The following SGMS1 variants were observed in gnomAD, a reference collection of about 807,000 sequenced individuals.
The protein encoded by SGMS1 is phosphatidylcholine:ceramide cholinephosphotransferase 1.
In SGMS1, 13 loss-of-function variants were observed where a neutral mutation model predicts 46.2. That is an observed-to-expected ratio of 0.28 (90% CI 0.18 to 0.45). The LOEUF is 0.45. SGMS1 is among the 20% of genes least tolerant of loss of function. The pLI is 1.00. For missense variants in SGMS1, 324 were observed against 519.9 expected, an observed-to-expected ratio of 0.62 and a Z score of 3.66; for synonymous variants, 203 against 187.8, an observed-to-expected ratio of 1.08 and a Z score of -0.66.
intron 1 of SGMS1, among the ~76,000 whole-genome samples, chr10:50,608,620 G>A (rs1183449790): frequency 1.3e-5 from 2 of 152,178 alleles, no homozygotes; most frequent in Non-Finnish European, 2.9e-5. Context: ...AATTTAATCA[G>A]TGTGATATCT....
chr10:50,321,402 T>C (rs1279612986), intron 8 of SGMS1, among the ~76,000 whole-genome samples: 1 of 152,208 alleles, frequency 6.6e-6, no homozygotes, highest in Non-Finnish European at 1.5e-5. Flanking sequence ...AAAACATCTC[T>C]TTTTAAGTGA....
intron 7 of SGMS1, among the ~76,000 whole-genome samples, chr10:50,330,865 C>T (rs948302550): frequency 6.6e-6 from 1 of 152,176 alleles, no homozygotes; most frequent in Admixed American, 6.5e-5. Context: ...ACAGACAATA[C>T]ATCACTGAGC....
At chr10:50,568,828 G>A (rs2131854006) in intron 2 of SGMS1, among the ~76,000 whole-genome samples, 3 of 152,266 alleles carry the variant, frequency 2.0e-5, no homozygotes, top group African/African-American at 7.2e-5. Flanking sequence ...TGTAAGTGCT[G>A]TGAGGGCGCT....
In SGMS1 at chr10:50,590,140, A is replaced by G. The variant is rs1838526858; in HGVS notation, c.-589+13T>C. The G allele has an allele frequency of 6.6e-6, 1 of 152,356 alleles. No individual in the cohort carries two copies. Among genetic ancestry groups the G allele is most frequent in the Non-Finnish European group, 1.5e-5 (1 of 68,040 alleles). The allele number at this position is 152,356 out of a possible 1,614,324, so 9.4% of individuals were successfully genotyped here. Reference sequence around the variant, plus strand: ...GTTTTACAATAAAAAGCTGCATAGAAATATTTACTTACCTTTCAAATGATG... The same window carrying G: ...GTTTTACAATAAAAAGCTGCATAGAGATATTTACTTACCTTTCAAATGATG... On this transcript the variant is annotated intron_variant, in intron 2 of 10. Coordinates refer to ENST00000361781, the MANE Select transcript of SGMS1 (RefSeq NM_147156.4).
intron 3 of SGMS1, among the ~76,000 whole-genome samples, chr10:50,499,550 G>A (rs1368139286): frequency 6.6e-6 from 1 of 152,110 alleles, no homozygotes; most frequent in African/African-American, 2.4e-5. Context: ...CCTCAAGATT[G>A]TCACTGTAGA....
At chr10:50,469,862 T>A (rs191489237) in intron 3 of SGMS1, among the ~76,000 whole-genome samples, 24 of 152,290 alleles carry the variant, frequency 1.6e-4, no homozygotes, top group African/African-American at 5.5e-4. Context: ...AAGAAAAGAT[T>A]AAAGTTCACA....
At chr10:50,624,156 G>C (rs1045518371), upstream of SGMS1, 6 of 983,156 alleles carry the variant, frequency 6.1e-6, no homozygotes, top group African/African-American at 1.0e-4. Flanking sequence ...CAAGTAATGG[G>C]AAACTGAGGA....
intron 2 of SGMS1, among the ~76,000 whole-genome samples, chr10:50,530,093 C>G (rs962033620): frequency 2.6e-5 from 4 of 152,172 alleles, no homozygotes; most frequent in African/African-American, 9.7e-5. Context: ...CTGCACATTG[C>G]CTAAAATAAG....
chr10:50,605,487 G>C (rs1838686624), intron 1 of SGMS1, among the ~76,000 whole-genome samples: 1 of 152,232 alleles, frequency 6.6e-6, no homozygotes, highest in Non-Finnish European at 1.5e-5. Context: ...AGAGCTATCA[G>C]AGCAAAAGAT....
Position 50,448,753 on chromosome 10 carries a change from A to AT in SGMS1, c.-313+11919_-313+11920insA, listed in dbSNP as rs796270332. 6.6e-3 allele frequency among the ~76,000 whole-genome samples: 872 copies of AT among 132,274 alleles called. 21 individuals are homozygous for AT. Among genetic ancestry groups the AT allele is most frequent in the African/African-American group, 0.023 (822 of 35,680 alleles). The allele number at this position is 132,274 out of a possible 152,430, so 86.8% of individuals were successfully genotyped here. On this transcript the variant is annotated intron_variant, in intron 5 of 10. Transcript: ENST00000361781. ...GAGTGAAACTCCGCCAAAAAAAAAA[A>AT]AAAAAAAAGAATGAAAAGACATATA...
At chr10:50,612,951 G>A (rs986714476) in intron 1 of SGMS1, among the ~76,000 whole-genome samples, 4 of 152,128 alleles carry the variant, frequency 2.6e-5, no homozygotes, top group African/African-American at 7.2e-5. Flanking sequence ...TCATAGCCAC[G>A]TTTTTTAAAA....
At chr10:50,360,190 C>T (rs1848224568) in intron 6 of SGMS1, among the ~76,000 whole-genome samples, 1 of 152,160 alleles carries the variant, frequency 6.6e-6, no homozygotes, top group East Asian at 1.9e-4. Flanking sequence ...CCAAATTCTT[C>T]ATATTCCCAA....
intron 3 of SGMS1, among the ~76,000 whole-genome samples, chr10:50,479,005 C>T (rs1015078628): frequency 1.7e-4 from 22 of 131,158 alleles, no homozygotes; most frequent in African/African-American, 5.1e-4. Flanking sequence ...ACCCCCCAAC[C>T]AGTTCCTAGA....
At chr10:50,417,530 G>A (rs1250989196) in intron 6 of SGMS1, among the ~76,000 whole-genome samples, 4 of 152,138 alleles carry the variant, frequency 2.6e-5, no homozygotes, top group African/African-American at 7.2e-5. Context: ...AGAAAGCACA[G>A]TTATGGAGTA....
intron 3 of SGMS1, among the ~76,000 whole-genome samples, chr10:50,484,114 T>G (rs1277594851): frequency 6.6e-6 from 1 of 151,974 alleles, no homozygotes; most frequent in African/African-American, 2.4e-5. Context: ...AGCTGGCTTT[T>G]TTTGAAAATA....
intron 5 of SGMS1, 77 bp from the exon 6 acceptor site, chr10:50,433,633 T>C (rs1231303098): frequency 6.6e-6 from 1 of 152,318 alleles, no homozygotes; most frequent in Non-Finnish European, 1.5e-5. Context: ...GTTAGTCTCT[T>C]CTTCACACAC....
intron 5 of SGMS1, among the ~76,000 whole-genome samples, chr10:50,453,013 G>A (rs974682170): frequency 2.0e-5 from 3 of 152,046 alleles, no homozygotes; most frequent in Non-Finnish European, 2.9e-5. Context: ...ATACTCTCTG[G>A]AAAAATCTAC....
chr10:50,482,738 G>T (rs2133722848), intron 3 of SGMS1, among the ~76,000 whole-genome samples: 1 of 152,254 alleles, frequency 6.6e-6, no homozygotes, highest in Non-Finnish European at 1.5e-5. Flanking sequence ...TGGACTAAAT[G>T]CCCCAATTAA....
At chr10:50,493,183 C>T (rs1837581394) in intron 3 of SGMS1, among the ~76,000 whole-genome samples, 1 of 152,198 alleles carries the variant, frequency 6.6e-6, no homozygotes, top group African/African-American at 2.4e-5. Flanking sequence ...GCTATCTGAT[C>T]TTCAACAAAC....
Sources: gnomAD v4.1 joint callset for allele counts (sites outside exome capture counted in the v4.1 genomes callset) on GRCh38, gnomAD v4.1.1 for gene constraint, MANE v1.5 for transcripts, NCBI Gene and HGNC (gene_info 2026-07-23, HGNC 2026-07-21) for gene names.